ZNF138: variants seen among roughly 807,000 people sequenced by gnomAD.
The protein encoded by ZNF138 is zinc finger protein 138 (clone pHZ-32).
ZNF138 carries 33 observed loss-of-function variants against 33.0 expected under a neutral mutation model. That is an observed-to-expected ratio of 1.00 (90% CI 0.76 to 1.34). The LOEUF (loss-of-function observed/expected upper bound fraction) is 1.34, where lower values mean the gene tolerates loss of function less well. Among genes scored for constraint, ZNF138 ranks in the 40% most tolerant of loss-of-function variants. The probability of loss-of-function intolerance (pLI) is 0.00; values close to 1 mark genes in which losing one functional copy is unlikely to be tolerated. For missense variants in ZNF138, 360 were observed against 370.8 expected (o/e 0.97, Z 0.24); for synonymous variants, 139 against 120.4 (o/e 1.15, Z -1.01).
the ZNF138 span, among the ~76,000 whole-genome samples, chr7:64,841,702 A>C: frequency 1.3e-5 from 2 of 151,866 alleles, no homozygotes; most frequent in Non-Finnish European, 2.9e-5. Flanking sequence ...CCTTTTTTCT[A>C]CGTGATTGCT....
intron 1 of ZNF138, among the ~76,000 whole-genome samples, chr7:64,809,779 G>A (rs1292795949): frequency 2.1e-5 from 3 of 142,478 alleles, no homozygotes; most frequent in Non-Finnish European, 3.1e-5. Flanking sequence ...CCTCCCAGAC[G>A]GGGTCGCGGC....
At chr7:64,854,663 C>A in the ZNF138 span, among the ~76,000 whole-genome samples, 1 of 152,202 alleles carries the variant, frequency 6.6e-6, no homozygotes, top group Non-Finnish European at 1.5e-5. Context: ...AAAACCACAT[C>A]TTTTCAATGG....
At chr7:64,821,328 A>G (rs2129007779) in intron 3 of ZNF138, among the ~76,000 whole-genome samples, 1 of 151,260 alleles carries the variant, frequency 6.6e-6, no homozygotes, top group African/African-American at 2.5e-5. Flanking sequence ...TGACATTGTG[A>G]TCCACCCACC....
intron 3 of ZNF138, chr7:64,830,847 G>T (rs6460193): frequency 1 from 1,346,855 of 1,350,732 alleles, 671,596 homozygotes; most frequent in East Asian, 1. Context: ...GGATGTGTCA[G>T]GTCTGAAATT....
intron 1 of ZNF138, among the ~76,000 whole-genome samples, chr7:64,812,902 A>T (rs370283115): frequency 7.1e-6 from 1 of 141,084 alleles, no homozygotes; most frequent in Non-Finnish European, 1.5e-5. Flanking sequence ...AACTGTGTCC[A>T]CTCTTCCTCC....
chr7:64,836,837 C>G (rs1790379593), downstream of ZNF138: 1 of 146,740 alleles, frequency 6.8e-6, no homozygotes, highest in Non-Finnish European at 1.5e-5. Flanking sequence ...TGGCACCCTG[C>G]TGGCGGGCAT....
At chr7:64,805,653 G>A (rs145215808) in intron 1 of ZNF138, among the ~76,000 whole-genome samples, 9 of 152,328 alleles carry the variant, frequency 5.9e-5, no homozygotes, top group African/African-American at 1.7e-4. Flanking sequence ...CACTAGGAGA[G>A]GGCAAGCAGG....
chr7:64,824,520 C>G (rs1055564392), intron 3 of ZNF138, among the ~76,000 whole-genome samples: 10 of 152,070 alleles, frequency 6.6e-5, no homozygotes, highest in Admixed American at 2.0e-4. Context: ...GATTTTTTAT[C>G]TGAACTTTCT....
the ZNF138 span, among the ~76,000 whole-genome samples, chr7:64,855,125 C>T: frequency 1.3e-5 from 2 of 152,142 alleles, no homozygotes; most frequent in East Asian, 3.9e-4. Flanking sequence ...CATTTCTGTA[C>T]AATGTCATGC....
At chr7:64,824,611 G>C (rs1789421346) in intron 3 of ZNF138, among the ~76,000 whole-genome samples, 1 of 151,896 alleles carries the variant, frequency 6.6e-6, no homozygotes, top group African/African-American at 2.4e-5. Context: ...GTCAATATTT[G>C]CTTTCTACAT....
At position 64,832,369 on chromosome 7, in the gene ZNF138, C is replaced by G; in HGVS notation, c.*167C>G. The G allele has an allele frequency of 6.5e-7, 1 of 1,548,080 alleles. No individual in the cohort carries two copies. Among genetic ancestry groups the G allele is most frequent in the Non-Finnish European group, 8.7e-7 (1 of 1,153,862 alleles). On this transcript the variant is annotated 3_prime_UTR_variant, in exon 4 of 4. Coordinates refer to ENST00000307355, the MANE Select transcript of ZNF138 (RefSeq NM_001271639.2). Reference sequence around the variant, plus strand: ...TGTGGCAGAGCTTTTAACCAGTCCGCAAAGCTCACTGAACATAAGTTAATT... The same window carrying G: ...TGTGGCAGAGCTTTTAACCAGTCCGGAAAGCTCACTGAACATAAGTTAATT...
chr7:64,855,991 GC>G, the ZNF138 span, among the ~76,000 whole-genome samples: 2 of 5,148 alleles, frequency 3.9e-4, 1 homozygote, highest in African/African-American at 4.1e-4. Context: ...GATGTGAGGA[GC>G]CTCTCTGCCT....
chr7:64,835,894 C>T (rs62458371), downstream of ZNF138: 6,628 of 152,242 alleles, frequency 0.044, 203 homozygotes, highest in East Asian at 0.14. Flanking sequence ...GAAAATAGCC[C>T]GTTTGCTTTT....
At chr7:64,855,002 T>G in the ZNF138 span, among the ~76,000 whole-genome samples, 2 of 152,302 alleles carry the variant, frequency 1.3e-5, no homozygotes, top group East Asian at 3.9e-4. Context: ...ATTGAATTAA[T>G]AGGTAACAAA....
intron 1 of ZNF138, chr7:64,814,275 C>CTT: frequency 3.0e-6 from 1 of 334,602 alleles, no homozygotes; most frequent in Non-Finnish European, 4.7e-6. Flanking sequence ...ACTCAACGTG[C>CTT]CTTTTCCATC....
intron 1 of ZNF138, among the ~76,000 whole-genome samples, chr7:64,813,435 G>GTTTTTTTTT (rs1562902433): frequency 7.7e-6 from 1 of 130,284 alleles, no homozygotes. Flanking sequence ...GCATAAAAAT[G>GTTTTTTTTT]ATTTTTTTTT....
the ZNF138 span, among the ~76,000 whole-genome samples, chr7:64,852,115 A>T: frequency 6.6e-6 from 1 of 152,226 alleles, no homozygotes; most frequent in Admixed American, 6.5e-5. Flanking sequence ...ATTCGGCAAA[A>T]GGTAAGTGTC....
At chr7:64,811,937 A>G (rs916104096) in intron 1 of ZNF138, among the ~76,000 whole-genome samples, 1 of 152,222 alleles carries the variant, frequency 6.6e-6, no homozygotes, top group Non-Finnish European at 1.5e-5. Flanking sequence ...AACTCATTAA[A>G]GCTTGAGAGG....
In ZNF138 at chr7:64,809,747, G is replaced by A. The variant is rs1247660080; in HGVS notation, c.4-5171G>A. On this transcript the variant is annotated intron_variant, in intron 1 of 3. Transcript: ENST00000307355. ...GGTCTCCTCACTTCTCAGACGGGGC[G>A]GCCGGGCAGAGATGCTCCTCACCTC... Among the ~76,000 whole-genome samples, 379 of 145,148 alleles carry A rather than the reference G, an allele frequency of 2.6e-3. 3 individuals are homozygous for A. The highest frequency in any genetic ancestry group is 7.8e-3 in the African/African-American group (306 of 39,128).
Sources: gnomAD v4.1 joint callset for allele counts (sites outside exome capture counted in the v4.1 genomes callset) on GRCh38, gnomAD v4.1.1 for gene constraint, MANE v1.5 for transcripts, NCBI Gene and HGNC (gene_info 2026-07-23, HGNC 2026-07-21) for gene names.